The following RBM45 variants were observed in gnomAD, a reference collection of about 807,000 sequenced individuals.
The protein encoded by RBM45 is RNA-binding protein 45.
A neutral mutation model predicts 58.5 loss-of-function variants in RBM45; 39 were observed. The observed-to-expected ratio is 0.67, with a 90% confidence interval of 0.52 to 0.87. The LOEUF is 0.87. Ranked by LOEUF, RBM45 falls within the 40% of genes least tolerant of loss-of-function variation. The probability of loss-of-function intolerance (pLI) is 0.00; values close to 1 mark genes in which losing one functional copy is unlikely to be tolerated. For synonymous variants in RBM45, 193 were observed against 203.0 expected, an observed-to-expected ratio of 0.95 and a Z score of 0.42; for missense variants, 481 against 581.6, an observed-to-expected ratio of 0.83 and a Z score of 1.78.
At position 178,118,126 on chromosome 2, in the gene RBM45, C is replaced by T. The variant is rs147291191; in HGVS notation, c.495C>T (p.Tyr165=). The T allele has an allele frequency of 2.6e-4, 418 of 1,612,650 alleles. 4 individuals carry two copies. The African/African-American group carries it at 2.6e-3, about 10-fold the overall frequency. ...KVTGESKGLG[Y]VRYLKPSQAA... The stretch of plus-strand genomic sequence containing the variant: ...CTGGAGAAAGTAAAGGTTTGGGCTA[C>T]GTACGATACTTAAAACCATCACAAG... Residue 165 remains tyrosine (Y), a synonymous_variant, in exon 3 of 10, where the codon TAC becomes TAT. Transcript: ENST00000286070.
At chr2:178,137,392 G>T (rs977751730) in exon 4 of RBM45, 4 of 152,086 alleles carry the variant, frequency 2.6e-5, no homozygotes, top group African/African-American at 9.7e-5. Flanking sequence ...ATCCAACAAA[G>T]ATGTGTACAT....
intron 5 of RBM45, among the ~76,000 whole-genome samples, chr2:178,122,852 A>T (rs1337610123): frequency 1.3e-5 from 2 of 152,264 alleles, no homozygotes; most frequent in African/African-American, 4.8e-5. Context: ...GTGTTTCCCC[A>T]GTGGTTTGTA....
At position 178,120,377 on chromosome 2, in the gene RBM45, G is replaced by A. The variant is rs1340463869; in HGVS notation, c.641G>A (p.Gly214Glu). The A allele has an allele frequency of 1.2e-6, 2 of 1,612,850 alleles. No individual in the cohort carries two copies. Among genetic ancestry groups the A allele is most frequent in the East Asian group, 2.2e-5 (1 of 44,792 alleles). ...AGTAATATGAGGCAAGAAGCTTTGG[G>A]ACATGAACCTAGAGTAAATATGTTT... is the stretch of plus-strand genomic sequence containing the variant. ...YYSNMRQEAL[G>E]HEPRVNMFPF... is the part of the protein sequence containing the mutation. The change falls in exon 4 of 10, where the codon GGA becomes GAA. Residue 214 changes from glycine to glutamate, a missense_variant. Transcript: ENST00000286070.
chr2:178,113,342 C>T (rs1486609107), intron 1 of RBM45, among the ~76,000 whole-genome samples: 2 of 152,046 alleles, frequency 1.3e-5, no homozygotes, highest in Non-Finnish European at 2.9e-5. Context: ...TGGTGTTGGA[C>T]GTTTTCCTAG....
Position 178,112,573 on chromosome 2 carries a change from C to A in RBM45, c.27C>A (p.Ser9Arg), listed in dbSNP as rs1388540072. 6 of 1,578,258 alleles carry A rather than the reference C, an allele frequency of 3.8e-6. No individual in the cohort carries two copies. The highest frequency in any genetic ancestry group is 5.2e-6 in the Non-Finnish European group (6 of 1,163,244). The change falls in exon 1 of 10, where the codon AGC becomes AGA. Residue 9 changes from serine (S) to arginine (R), a missense_variant. By Grantham distance (110) the Ser-to-Arg change is moderately radical. Transcript: ENST00000286070. ...TGGACGAAGCTGGCAGCTCTGCGAG[C>A]GGCGGGGGCTTCCGCCCGGGCGTGG... is the stretch of plus-strand genomic sequence containing the variant. MDEAGSSA[S>R]GGGFRPGVDS...
chr2:178,136,107 G>A (rs955923431), intron 3 of RBM45, among the ~76,000 whole-genome samples: 3 of 152,104 alleles, frequency 2.0e-5, no homozygotes, highest in Non-Finnish European at 2.9e-5. Context: ...TCAGGAGATC[G>A]AGACCATCCT....
downstream of RBM45, among the ~76,000 whole-genome samples, chr2:178,133,437 T>C (rs2088020662): frequency 6.6e-6 from 1 of 152,196 alleles, no homozygotes; most frequent in African/African-American, 2.4e-5. Context: ...ATGAAGGAGA[T>C]GTAATTATCA....
chr2:178,136,402 A>C (rs1176566388), intron 3 of RBM45: 1 of 152,222 alleles, frequency 6.6e-6, no homozygotes, highest in African/African-American at 2.4e-5. Context: ...CTATACTGTT[A>C]ATTTGAGACA....
intron 2 of RBM45, among the ~76,000 whole-genome samples, chr2:178,117,192 AC>A (rs896061557): frequency 6.6e-6 from 1 of 152,080 alleles, no homozygotes; most frequent in African/African-American, 2.4e-5. Context: ...TTTCTCTCCT[AC>A]CCCAATTGAG....
chr2:178,114,516 T>A (rs2087746450), intron 1 of RBM45, among the ~76,000 whole-genome samples: 1 of 152,244 alleles, frequency 6.6e-6, no homozygotes. Flanking sequence ...ATTTTCTTTG[T>A]CACATTTTTG....
chr2:178,134,603 AAATT>A (rs985070093), downstream of RBM45, among the ~76,000 whole-genome samples: 2 of 152,058 alleles, frequency 1.3e-5, no homozygotes, highest in Non-Finnish European at 2.9e-5. Context: ...GCCAGAAAAA[AAATT>A]AAAGTCATCT....
intron 4 of RBM45, 62 bp downstream of exon 4, chr2:178,120,471 T>C (rs774441883): frequency 7.2e-5 from 104 of 1,435,200 alleles, no homozygotes; most frequent in Non-Finnish European, 9.2e-5. Context: ...ATTTGGGTTT[T>C]AAAGAATACT....
In RBM45 at chr2:178,129,469, A is replaced by T. The variant is rs968293278; in HGVS notation, c.*81A>T. ...GTGACTGGACGCATTCCCTGTGGAC[A>T]GTTGACAGCTTTTTTTTTTTCCATA... On this transcript the variant is annotated 3_prime_UTR_variant, in exon 10 of 10. Coordinates refer to ENST00000286070, the MANE Select transcript of RBM45 (RefSeq NM_152945.4). 1 of 151,934 alleles carries T rather than the reference A, an allele frequency of 6.6e-6. No homozygotes were observed. Among genetic ancestry groups the T allele is most frequent in the Non-Finnish European group, 1.5e-5 (1 of 67,920 alleles). 9.4% of individuals were successfully genotyped at this position (151,934 alleles called of 1,614,324 possible).
chr2:178,135,319 G>A (rs965427796), intron 3 of RBM45, among the ~76,000 whole-genome samples: 1 of 152,170 alleles, frequency 6.6e-6, no homozygotes, highest in African/African-American at 2.4e-5. Flanking sequence ...AGTGTACTAG[G>A]AAAGATAGCA....
intron 9 of RBM45, among the ~76,000 whole-genome samples, chr2:178,129,038 T>C (rs2087973035): frequency 6.6e-6 from 1 of 152,132 alleles, no homozygotes; most frequent in African/African-American, 2.4e-5. Flanking sequence ...AAGTGAGTCA[T>C]GCCTAGGAAA....
At chr2:178,138,335 T>C (rs2088061543) in exon 4 of RBM45, 1 of 152,144 alleles carries the variant, frequency 6.6e-6, no homozygotes, top group African/African-American at 2.4e-5. Flanking sequence ...CCGACAAATA[T>C]AGTAAGAGAA....
rs374556621 is a variant in RBM45 at position 178,112,856 on chromosome 2, C to A, written c.300+10C>A. The A allele has an allele frequency of 1.0e-5, 16 of 1,599,060 alleles. No individual in the cohort carries two copies. Among genetic ancestry groups the A allele is most frequent in the Non-Finnish European group, 1.0e-5 (12 of 1,168,216 alleles). ...CACCAAGCCCATCAAGGTGCGGGTG[C>A]CCGGGTCGGGGTGCCCTCGGGGGAA... On this transcript the variant is annotated intron_variant, in intron 1 of 9. Coordinates refer to ENST00000286070, the MANE Select transcript of RBM45 (RefSeq NM_152945.4).
rs755124839 is a variant in RBM45 at position 178,112,546 on chromosome 2, C to T, written c.-1C>T. On this transcript the variant is annotated 5_prime_UTR_variant, in exon 1 of 10. Transcript: ENST00000286070. ...AGGCTCCTGCATTCGGGTGGAGCAC[C>T]ATGGACGAAGCTGGCAGCTCTGCGA... is the stretch of plus-strand genomic sequence containing the variant. 10 of 1,612,320 alleles carry T rather than the reference C, an allele frequency of 6.2e-6. No homozygotes were observed. In the East Asian group the frequency reaches 1.6e-4, roughly 25 times the overall value.
intron 1 of RBM45, 76 bp downstream of exon 1, chr2:178,112,922 C>G (rs1283976137): frequency 2.1e-6 from 3 of 1,463,142 alleles, no homozygotes; most frequent in Non-Finnish European, 9.3e-7. Context: ...GCTGCTCTGC[C>G]GGGGTGAGGG....
Sources: allele counts gnomAD v4.1 joint callset (sites outside exome capture counted in the v4.1 genomes callset), GRCh38; gene constraint gnomAD v4.1.1; transcripts MANE v1.5; gene names NCBI Gene and HGNC (gene_info 2026-07-23, HGNC 2026-07-21).